PDZRN4: variants seen among roughly 807,000 people sequenced by gnomAD.
PDZRN4 encodes PDZ domain containing ring finger 4.
A neutral mutation model predicts 99.0 loss-of-function variants in PDZRN4; 70 were observed. That is an observed-to-expected ratio of 0.71 (90% CI 0.58 to 0.86). The LOEUF (loss-of-function observed/expected upper bound fraction) is 0.86. Ranked by LOEUF, PDZRN4 falls within the 40% of genes least tolerant of loss-of-function variation. PDZRN4 has a pLI of 0.00. For missense variants in PDZRN4, 1,474 were observed against 1,331.2 expected, an observed-to-expected ratio of 1.11 and a Z score of -1.67; for synonymous variants, 551 against 501.6, an observed-to-expected ratio of 1.10 and a Z score of -1.32.
chr12:41,450,466 C>G (rs879515739), intron 3 of PDZRN4, among the ~76,000 whole-genome samples: 3 of 152,130 alleles, frequency 2.0e-5, no homozygotes, highest in Admixed American at 1.3e-4. Flanking sequence ...AAAATGCTAA[C>G]CATATTTCCC....
intron 3 of PDZRN4, among the ~76,000 whole-genome samples, chr12:41,282,085 A>G (rs1951389440): frequency 6.6e-6 from 1 of 152,198 alleles, no homozygotes; most frequent in Admixed American, 6.5e-5. Context: ...GGCAAATTCG[A>G]TGAAGAGTCA....
At position 41,573,659 on chromosome 12, in the gene PDZRN4, T is replaced by C. The variant is rs768250208; in HGVS notation, c.2880T>C (p.Arg960=). Residue 960 remains arginine, a synonymous_variant, in exon 10 of 10, where the codon CGT becomes CGC. Coordinates refer to ENST00000402685, the MANE Select transcript of PDZRN4 (RefSeq NM_001164595.2). ...GGGCCAAAGAGCAGCGCCGTCGCCG[T>C]GAGTTCATGATGCGAAGCAGGTTAG... ...LVRAKEQRRR[R]EFMMRSRLEC... is the part of the protein sequence containing the mutation. The C allele has an allele frequency of 3.1e-6, 5 of 1,613,922 alleles. No homozygotes were observed. In the East Asian group the frequency reaches 1.1e-4, roughly 36 times the overall value.
At chr12:41,527,713 C>T (rs1292908947) in intron 5 of PDZRN4, among the ~76,000 whole-genome samples, 1 of 152,192 alleles carries the variant, frequency 6.6e-6, no homozygotes, top group East Asian at 1.9e-4. Flanking sequence ...ACAATGTGTC[C>T]TCCTTGATAA....
At chr12:41,569,510 C>T (rs1414772356) in intron 9 of PDZRN4, among the ~76,000 whole-genome samples, 3 of 152,128 alleles carry the variant, frequency 2.0e-5, no homozygotes, top group Admixed American at 6.5e-5. Flanking sequence ...CAGCCTCAGC[C>T]TCCTAAAGTG....
At chr12:41,269,220 T>A (rs11180557) in intron 3 of PDZRN4, among the ~76,000 whole-genome samples, 23,827 of 152,174 alleles carry the variant, frequency 0.16, 2,992 homozygotes, top group African/African-American at 0.35. Flanking sequence ...TGATTGACAC[T>A]TTCTATAAAG....
intron 5 of PDZRN4, among the ~76,000 whole-genome samples, chr12:41,514,042 C>G (rs1302936551): frequency 6.6e-6 from 1 of 151,968 alleles, no homozygotes; most frequent in Non-Finnish European, 1.5e-5. Flanking sequence ...ATACAAAAGG[C>G]TGAAATAAGT....
chr12:41,498,908 A>T (rs1269203242), intron 3 of PDZRN4, among the ~76,000 whole-genome samples: 1 of 152,146 alleles, frequency 6.6e-6, no homozygotes, highest in Non-Finnish European at 1.5e-5. Flanking sequence ...AACAAATTTT[A>T]GTTCTTGCCA....
intron 3 of PDZRN4, among the ~76,000 whole-genome samples, chr12:41,469,181 T>C (rs1417082578): frequency 6.6e-6 from 1 of 152,202 alleles, no homozygotes; most frequent in Non-Finnish European, 1.5e-5. Context: ...CTGACTTTTT[T>C]TCTAAGTTTG....
At chr12:41,302,587 A>G (rs1452848127) in intron 3 of PDZRN4, among the ~76,000 whole-genome samples, 1 of 152,166 alleles carries the variant, frequency 6.6e-6, no homozygotes, top group East Asian at 1.9e-4. Context: ...GGAGTGGGTA[A>G]TAGAATCAGA....
At chr12:41,425,668 A>G (rs1305668486) in intron 3 of PDZRN4, among the ~76,000 whole-genome samples, 1 of 152,170 alleles carries the variant, frequency 6.6e-6, no homozygotes, top group Non-Finnish European at 1.5e-5. Flanking sequence ...GAGTCAGAGG[A>G]TTCACTTTTT....
At chr12:41,334,741 T>C (rs568173817) in intron 3 of PDZRN4, among the ~76,000 whole-genome samples, 61 of 152,344 alleles carry the variant, frequency 4.0e-4, no homozygotes, top group Non-Finnish European at 2.6e-4. Context: ...GGAGAAGAGA[T>C]AAATCATTGA....
chr12:41,197,918 G>GTTTTTTTTTTTTTTTTTTTTTTT lies in PDZRN4; in HGVS notation c.843+3730_843+3731insTTTTTTTTTTTTTTTTTTTTTTT, dbSNP rs1491129322. On this transcript the variant is annotated intron_variant, in intron 3 of 9. Transcript: ENST00000402685. ...TCTTCTTCTTTTCCTTGTTTTTTCT[G>GTTTTTTTTTTTTTTTTTTTTTTT]GGTTTTTTTTTTTGGAGACAGGATC... Among the ~76,000 whole-genome samples, 2 of 114,562 alleles carry GTTTTTTTTTTTTTTTTTTTTTTT rather than the reference G, an allele frequency of 1.7e-5. 1 individual carries two copies. The allele number at this position is 114,562 out of a possible 152,430, so 75.2% of individuals were successfully genotyped here.
chr12:41,551,946 C>T lies in PDZRN4; in HGVS notation c.1204-710C>T, dbSNP rs893691750. On this transcript the variant is annotated intron_variant, in intron 5 of 9. Coordinates refer to ENST00000402685, the MANE Select transcript of PDZRN4 (RefSeq NM_001164595.2). ...AGGAAATGAATTTAATATACATTAC[C>T]TGAGGACTGACATTTCAAGCCCTTA... Among the ~76,000 whole-genome samples the T allele has an allele frequency of 5.3e-5, 8 of 152,184 alleles. No individual in the cohort carries two copies. In the South Asian group the frequency reaches 1.7e-3, roughly 32 times the overall value.
At chr12:41,215,477 T>A (rs1215922027) in intron 3 of PDZRN4, among the ~76,000 whole-genome samples, 1 of 152,040 alleles carries the variant, frequency 6.6e-6, no homozygotes, top group East Asian at 1.9e-4. Context: ...TTTTAAATTA[T>A]CACGAGTGAT....
intron 3 of PDZRN4, among the ~76,000 whole-genome samples, chr12:41,496,611 T>A (rs1035523432): frequency 2.0e-5 from 3 of 152,048 alleles, no homozygotes; most frequent in African/African-American, 7.2e-5. Flanking sequence ...TGCTTGCCAC[T>A]CAGAAATCAT....
At chr12:41,319,846 C>CT (rs1345848700) in intron 3 of PDZRN4, among the ~76,000 whole-genome samples, 2 of 152,210 alleles carry the variant, frequency 1.3e-5, no homozygotes, top group African/African-American at 2.4e-5. Context: ...GCCTGCAACC[C>CT]TTGCAGAAGT....
At chr12:41,398,788 G>T (rs1952269115) in intron 3 of PDZRN4, among the ~76,000 whole-genome samples, 1 of 152,036 alleles carries the variant, frequency 6.6e-6, no homozygotes, top group Admixed American at 6.6e-5. Flanking sequence ...TATAATACAA[G>T]AGTTTTTATT....
chr12:41,556,136 T>C (rs1393691765), intron 7 of PDZRN4, among the ~76,000 whole-genome samples: 1 of 152,218 alleles, frequency 6.6e-6, no homozygotes, highest in East Asian at 1.9e-4. Flanking sequence ...GCCATACGCT[T>C]AACACAGTGC....
At chr12:41,421,613 A>G (rs950518462) in intron 3 of PDZRN4, among the ~76,000 whole-genome samples, 1 of 152,170 alleles carries the variant, frequency 6.6e-6, no homozygotes, top group East Asian at 1.9e-4. Context: ...CAGACCCTCA[A>G]AACTGTTCAC....
Sources: allele counts gnomAD v4.1 joint callset (sites outside exome capture counted in the v4.1 genomes callset), GRCh38; gene constraint gnomAD v4.1.1; transcripts MANE v1.5; gene names NCBI Gene and HGNC (gene_info 2026-07-23, HGNC 2026-07-21).